SLC1A1: variants seen among roughly 807,000 people sequenced by gnomAD.
The protein encoded by SLC1A1 is excitatory amino acid transporter 3.
Under a neutral mutation model 53.3 loss-of-function variants are expected in SLC1A1, and 43 were observed. The observed-to-expected ratio is 0.81, with a 90% CI of 0.63 to 1.04. SLC1A1 has a LOEUF of 1.04. Ranked by LOEUF, SLC1A1 falls within the 50% of genes least tolerant of loss-of-function variation. The pLI is 0.00. For synonymous variants in SLC1A1, 307 were observed against 243.2 expected, an observed-to-expected ratio of 1.26 and a Z score of -2.44; for missense variants, 748 against 664.9, an observed-to-expected ratio of 1.12 and a Z score of -1.37.
chr9:4,510,545 G>T (rs184029569), intron 1 of SLC1A1, among the ~76,000 whole-genome samples: 2 of 152,114 alleles, frequency 1.3e-5, no homozygotes, highest in African/African-American at 2.4e-5. Context: ...CAGTACAGGG[G>T]TTTAATATCA....
intron 1 of SLC1A1, among the ~76,000 whole-genome samples, chr9:4,514,300 G>C (rs1291345940): frequency 1.3e-5 from 2 of 152,150 alleles, no homozygotes; most frequent in Non-Finnish European, 2.9e-5. Flanking sequence ...GTTTTCTACT[G>C]AGTTCTCATC....
In SLC1A1 at chr9:4,550,691, T is replaced by C. The variant is rs1427951561; in HGVS notation, c.232+5984T>C. ...CAGGAATGAGCCACCACACCTGCCC[T>C]ACTTTTTAACCAAGTAAAAAAGTTT... On this transcript the variant is annotated intron_variant, in intron 2 of 11. Coordinates refer to ENST00000262352, the MANE Select transcript of SLC1A1 (RefSeq NM_004170.6). Among the ~76,000 whole-genome samples the C allele has an allele frequency of 3.3e-5, 5 of 152,232 alleles. No individual in the cohort carries two copies. In the South Asian group the frequency reaches 1.0e-3, roughly 32 times the overall value.
intron 3 of SLC1A1, among the ~76,000 whole-genome samples, chr9:4,561,794 G>C (rs962636499): frequency 6.6e-6 from 1 of 152,140 alleles, no homozygotes; most frequent in Non-Finnish European, 1.5e-5. Context: ...GGGAGGCTGA[G>C]GCAGGAGAAT....
chr9:4,550,121 A>G (rs1817805355), intron 2 of SLC1A1, among the ~76,000 whole-genome samples: 1 of 152,170 alleles, frequency 6.6e-6, no homozygotes. Flanking sequence ...CTTCCTGGAC[A>G]AGTCACATTA....
At chr9:4,526,928 C>A (rs1410568085) in intron 1 of SLC1A1, among the ~76,000 whole-genome samples, 1 of 151,986 alleles carries the variant, frequency 6.6e-6, no homozygotes, top group African/African-American at 2.4e-5. Flanking sequence ...CATTCTTTGG[C>A]AAAGGTAAAG....
chr9:4,566,125 C>T, intron 5 of SLC1A1, 36 bp downstream of exon 5: 2 of 1,556,108 alleles, frequency 1.3e-6, no homozygotes, highest in Non-Finnish European at 1.8e-6. Flanking sequence ...ACTTGCTACC[C>T]TCTTCCCATT....
chr9:4,547,908 T>C (rs189715082), intron 2 of SLC1A1, among the ~76,000 whole-genome samples: 66 of 152,014 alleles, frequency 4.3e-4, no homozygotes, highest in African/African-American at 1.4e-3. Flanking sequence ...CAATACAGTA[T>C]AAAGTGGGAA....
intron 2 of SLC1A1, among the ~76,000 whole-genome samples, chr9:4,557,711 T>C (rs1188586143): frequency 6.6e-6 from 1 of 152,210 alleles, no homozygotes; most frequent in Non-Finnish European, 1.5e-5. Context: ...TTGCTAGCCA[T>C]ATGCACTTTG....
intron 3 of SLC1A1, among the ~76,000 whole-genome samples, chr9:4,562,089 A>G (rs900485398): frequency 3.3e-4 from 38 of 113,548 alleles, no homozygotes; most frequent in African/African-American, 1.3e-3. Context: ...TTTTTTTTTC[A>G]AGAGGGAGTC....
chr9:4,493,222 T>A (rs184486529), intron 1 of SLC1A1, among the ~76,000 whole-genome samples: 1 of 152,238 alleles, frequency 6.6e-6, no homozygotes, highest in Non-Finnish European at 1.5e-5. Context: ...AGGGCAGTCC[T>A]GCTTCTGGTC....
At chr9:4,584,577 T>G (rs1167898284) in intron 11 of SLC1A1, among the ~76,000 whole-genome samples, 1 of 152,160 alleles carries the variant, frequency 6.6e-6, no homozygotes, top group Non-Finnish European at 1.5e-5. Context: ...GTTCTGCAGG[T>G]GTAGTTTTCA....
Position 4,560,909 on chromosome 9 carries a change from T to C in SLC1A1, c.233-540T>C, listed in dbSNP as rs183616974. Among the ~76,000 whole-genome samples the C allele has an allele frequency of 8.4e-4, 128 of 152,100 alleles. 3 individuals carry two copies. The East Asian group carries it at 0.024, about 29-fold the overall frequency. ...TACTCGGGAAGCTGAGGAAGGAGAA[T>C]CGCTTGAACCCAGGAGATGGAGGTT... On this transcript the variant is annotated intron_variant, in intron 2 of 11. Transcript: ENST00000262352.
Position 4,585,814 on chromosome 9 carries a change from CA to C in SLC1A1, c.*259del, listed in dbSNP as rs1821531594. 1.0e-4 allele frequency: 50 copies of C among 500,772 alleles called. 2 individuals carry two copies. In the South Asian group the frequency reaches 1.1e-3, roughly 11 times the overall value. 31.0% of individuals were successfully genotyped at this position (500,772 alleles called of 1,614,324 possible). On this transcript the variant is annotated 3_prime_UTR_variant, in exon 12 of 12. Transcript: ENST00000262352. ...TGGGTTTTAGAAATTCTATAAGAGA[CA>C]AAGTTTGGAAGTACATAAAGTAATA...
At chr9:4,512,633 T>C (rs1216480483) in intron 1 of SLC1A1, among the ~76,000 whole-genome samples, 1 of 152,228 alleles carries the variant, frequency 6.6e-6, no homozygotes, top group Non-Finnish European at 1.5e-5. Flanking sequence ...GTTTTCAAGA[T>C]ATCAAGTGTA....
At chr9:4,539,555 T>G (rs1312708476) in intron 1 of SLC1A1, among the ~76,000 whole-genome samples, 1 of 152,128 alleles carries the variant, frequency 6.6e-6, no homozygotes, top group Non-Finnish European at 1.5e-5. Flanking sequence ...TTTCTTTCTT[T>G]GTGTTTTACC....
At chr9:4,540,375 G>C (rs1159350786) in intron 1 of SLC1A1, among the ~76,000 whole-genome samples, 1 of 152,148 alleles carries the variant, frequency 6.6e-6, no homozygotes, top group Non-Finnish European at 1.5e-5. Context: ...GGTGCCATGG[G>C]TGAGGATGCT....
intron 1 of SLC1A1, among the ~76,000 whole-genome samples, chr9:4,541,526 G>A (rs142313772): frequency 6.6e-6 from 1 of 152,236 alleles, no homozygotes; most frequent in African/African-American, 2.4e-5. Flanking sequence ...GAAAGAGGGA[G>A]GCTAGTCTAT....
At chr9:4,514,436 C>T (rs780094911) in intron 1 of SLC1A1, among the ~76,000 whole-genome samples, 37 of 152,300 alleles carry the variant, frequency 2.4e-4, no homozygotes, top group Admixed American at 4.6e-4. Flanking sequence ...AACATTCACA[C>T]GGCCAGCCAG....
At chr9:4,544,204 C>T (rs1436443955) in intron 1 of SLC1A1, among the ~76,000 whole-genome samples, 1 of 152,036 alleles carries the variant, frequency 6.6e-6, no homozygotes, top group Non-Finnish European at 1.5e-5. Context: ...TGTAAAATAT[C>T]TCTGCAGGTA....
Sources: gnomAD v4.1 joint callset for allele counts (sites outside exome capture counted in the v4.1 genomes callset) on GRCh38, gnomAD v4.1.1 for gene constraint, MANE v1.5 for transcripts, NCBI Gene and HGNC (gene_info 2026-07-23, HGNC 2026-07-21) for gene names.